SUFU: variants seen among roughly 807,000 people sequenced by gnomAD.
The protein encoded by SUFU is SUFU negative regulator of hedgehog signaling, also known as suppressor of fused homolog.
A neutral mutation model predicts 58.9 loss-of-function variants in SUFU; 7 were observed. The ratio of observed to expected loss-of-function variants is 0.12; its 90% CI spans 0.07 to 0.22. The LOEUF (loss-of-function observed/expected upper bound fraction) is 0.22, where lower values mean the gene tolerates loss of function less well. Among genes scored for constraint, SUFU ranks in the 10% least tolerant of loss-of-function variants. SUFU has a pLI of 1.00. For missense variants in SUFU, 451 were observed against 641.3 expected (o/e 0.70, Z 3.20); for synonymous variants, 232 against 254.8 (o/e 0.91, Z 0.85).
chr10:102,510,984 G>A lies in SUFU; in HGVS notation c.317+1681G>A, dbSNP rs1405353826. Among the ~76,000 whole-genome samples, 10 of 151,406 alleles carry A rather than the reference G, an allele frequency of 6.6e-5. 1 individual carries two copies. Among genetic ancestry groups the A allele is most frequent in the Non-Finnish European group, 1.5e-5 (1 of 67,850 alleles). ...AAAAATAATAAAATTAGCCGGGCGT[G>A]GTGGCACATGCCTGTAATCCCAGCT... On this transcript the variant is annotated intron_variant, in intron 2 of 11. Coordinates refer to ENST00000369902, the MANE Select transcript of SUFU (RefSeq NM_016169.4).
chr10:102,577,682 GTTT>G (rs113583636), intron 3 of SUFU, among the ~76,000 whole-genome samples: 3 of 132,130 alleles, frequency 2.3e-5, no homozygotes, highest in Admixed American at 7.5e-5. Context: ...ACTACGAGTT[GTTT>G]TTTTTTTTTT....
intron 8 of SUFU, among the ~76,000 whole-genome samples, chr10:102,609,174 C>T (rs1220680882): frequency 6.6e-6 from 1 of 152,134 alleles, no homozygotes; most frequent in East Asian, 1.9e-4. Context: ...GTGTCTTTAT[C>T]TGTAAAATGG....
At chr10:102,554,433 A>G (rs1369420657) in intron 3 of SUFU, among the ~76,000 whole-genome samples, 1 of 152,182 alleles carries the variant, frequency 6.6e-6, no homozygotes, top group Non-Finnish European at 1.5e-5. Context: ...AAAAGTACAC[A>G]TAACTGTACA....
intron 2 of SUFU, among the ~76,000 whole-genome samples, chr10:102,513,454 A>C (rs1476259680): frequency 1.3e-5 from 2 of 152,260 alleles, no homozygotes; most frequent in Admixed American, 6.5e-5. Flanking sequence ...CAGACACAGA[A>C]CATCGTAATA....
chr10:102,547,121 G>C (rs930651361), intron 2 of SUFU, among the ~76,000 whole-genome samples: 1 of 152,148 alleles, frequency 6.6e-6, no homozygotes, highest in Non-Finnish European at 1.5e-5. Context: ...ACGTTTCTTG[G>C]CCCAAGATGA....
chr10:102,549,311 G>A (rs528833725), intron 2 of SUFU, among the ~76,000 whole-genome samples: 2 of 152,322 alleles, frequency 1.3e-5, no homozygotes, highest in South Asian at 4.1e-4. Context: ...CAATGTTGGT[G>A]GAAGGAGAAG....
intron 2 of SUFU, among the ~76,000 whole-genome samples, chr10:102,514,183 G>A (rs1184124837): frequency 6.6e-6 from 1 of 152,068 alleles, no homozygotes; most frequent in African/African-American, 2.4e-5. Context: ...CAGTGCTCCT[G>A]GCAACGGCAT....
intron 2 of SUFU, among the ~76,000 whole-genome samples, chr10:102,515,624 C>T (rs1055453982): frequency 1.8e-4 from 27 of 152,182 alleles, no homozygotes; most frequent in Middle Eastern, 3.4e-3. Context: ...CCTGCAGGAA[C>T]TTTTTAACAT....
chr10:102,582,140 C>T (rs2063286640), intron 3 of SUFU, among the ~76,000 whole-genome samples: 1 of 152,194 alleles, frequency 6.6e-6, no homozygotes, highest in South Asian at 2.1e-4. Flanking sequence ...CGCCAAGCTT[C>T]ACGCTCCTGG....
intron 2 of SUFU, among the ~76,000 whole-genome samples, chr10:102,521,448 G>C (rs1309878344): frequency 6.6e-6 from 1 of 152,198 alleles, no homozygotes; most frequent in Non-Finnish European, 1.5e-5. Flanking sequence ...CTGAGTAGGT[G>C]CTGGGCCTAC....
intron 8 of SUFU, among the ~76,000 whole-genome samples, chr10:102,607,945 G>A (rs973696727): frequency 3.3e-5 from 5 of 150,214 alleles, no homozygotes; most frequent in African/African-American, 9.8e-5. Flanking sequence ...GAAAAGAAAA[G>A]GAAACACCGG....
At chr10:102,524,134 G>A (rs1216966044) in intron 2 of SUFU, among the ~76,000 whole-genome samples, 2 of 151,902 alleles carry the variant, frequency 1.3e-5, no homozygotes, top group Admixed American at 6.6e-5. Context: ...CTCCCACAAA[G>A]CAGTATCCCC....
In SUFU at chr10:102,592,607, T is replaced by C. The variant is rs1308247295; in HGVS notation, c.480T>C (p.His160=). 6.2e-7 allele frequency: 1 copy of C among 1,613,962 alleles called. No homozygotes were observed. The highest frequency in any genetic ancestry group is 2.2e-5 in the East Asian group (1 of 44,872). Residue 160 remains histidine (H), a synonymous_variant, in exon 4 of 12, where the codon CAT becomes CAC. Transcript: ENST00000369902. ...QSENTFCSGD[H]VSWHSPLDNS... is the part of the protein sequence containing the mutation. ...AGAACACCTTCTGCAGTGGGGACCA[T>C]GTGTCCTGGCACAGCCCTTTGGATA...
At chr10:102,626,148 C>G (rs547790427) in intron 10 of SUFU, among the ~76,000 whole-genome samples, 3 of 151,386 alleles carry the variant, frequency 2.0e-5, no homozygotes, top group African/African-American at 7.3e-5. Flanking sequence ...GGGACAAGGA[C>G]AGGGAGGGGG....
intron 10 of SUFU, among the ~76,000 whole-genome samples, chr10:102,621,161 G>A (rs995183912): frequency 2.0e-5 from 3 of 152,180 alleles, no homozygotes; most frequent in Non-Finnish European, 4.4e-5. Flanking sequence ...AAGATGACTT[G>A]GGAATCCCCA....
chr10:102,562,731 A>T (rs897932349), intron 3 of SUFU, among the ~76,000 whole-genome samples: 8 of 152,046 alleles, frequency 5.3e-5, no homozygotes, highest in African/African-American at 1.9e-4. Flanking sequence ...TCTCTACTGA[A>T]AATACAAAAA....
Position 102,617,541 on chromosome 10 carries a change from A to C in SUFU, c.1296+113A>C, listed in dbSNP as rs2063699829. ...ACCCCTTCCTGGGGGGCTGGTCATG[A>C]ATGCCTCATGGATTCAGGGCCTGGG... On this transcript the variant is annotated intron_variant, in intron 10 of 11. Coordinates refer to ENST00000369902, the MANE Select transcript of SUFU (RefSeq NM_016169.4). The surrounding 1 kb of genome is among the most constrained non-coding windows in gnomAD (Gnocchi z 4.4). 1 of 1,475,286 alleles carries C rather than the reference A, an allele frequency of 6.8e-7. No homozygotes were observed. Among genetic ancestry groups the C allele is most frequent in the Non-Finnish European group, 9.4e-7 (1 of 1,059,234 alleles). The allele number at this position is 1,475,286 out of a possible 1,614,324, so 91.4% of individuals were successfully genotyped here.
chr10:102,516,177 G>A (rs2062468167), intron 2 of SUFU, among the ~76,000 whole-genome samples: 1 of 144,654 alleles, frequency 6.9e-6, no homozygotes, highest in Non-Finnish European at 1.5e-5. Flanking sequence ...CGAGGCTGGA[G>A]TGCAGTGACA....
intron 3 of SUFU, among the ~76,000 whole-genome samples, chr10:102,560,725 T>A (rs1483971317): frequency 6.6e-6 from 1 of 152,264 alleles, no homozygotes; most frequent in African/African-American, 2.4e-5. Flanking sequence ...TACTGTACTT[T>A]ATTTAACCAG....
Sources: allele counts gnomAD v4.1 joint callset (sites outside exome capture counted in the v4.1 genomes callset), GRCh38; gene constraint gnomAD v4.1.1; non-coding constraint Gnocchi (gnomAD v3.1); transcripts MANE v1.5; gene names NCBI Gene and HGNC (gene_info 2026-07-23, HGNC 2026-07-21).